GALNT2: variants seen among roughly 807,000 people sequenced by gnomAD.
GALNT2 encodes polypeptide N-acetylgalactosaminyltransferase 2, also known as UDP-GalNAc:polypeptide N-acetylgalactosaminyltransferase 2.
Under a neutral mutation model 81.4 loss-of-function variants are expected in GALNT2, and 31 were observed. That is an observed-to-expected ratio of 0.38 (90% confidence interval 0.29 to 0.51). GALNT2 has a LOEUF of 0.51. Among genes scored for constraint, GALNT2 ranks in the 20% least tolerant of loss-of-function variants. The probability of loss-of-function intolerance (pLI) is 0.87; values close to 1 mark genes in which losing one functional copy is unlikely to be tolerated. For synonymous variants in GALNT2, 303 were observed against 287.4 expected (o/e 1.05, Z -0.55); for missense variants, 629 against 765.7 (o/e 0.82, Z 2.11).
At chr1:230,214,115 CTTTTTT>C (rs60360198) in intron 3 of GALNT2, among the ~76,000 whole-genome samples, 16,419 of 145,240 alleles carry the variant, frequency 0.11, 1,822 homozygotes, top group East Asian at 0.57. Flanking sequence ...CTTAACTTTA[CTTTTTT>C]TTTTTTTTGA....
chr1:230,212,840 G>A (rs1014296088), intron 3 of GALNT2, among the ~76,000 whole-genome samples: 1 of 152,028 alleles, frequency 6.6e-6, no homozygotes, highest in Non-Finnish European at 1.5e-5. Context: ...CCCTTGATAT[G>A]TTTCCTCTTT....
At chr1:230,138,118 G>T (rs1661609448) in intron 1 of GALNT2, among the ~76,000 whole-genome samples, 1 of 152,140 alleles carries the variant, frequency 6.6e-6, no homozygotes, top group African/African-American at 2.4e-5. Context: ...CATTGCCCAA[G>T]TGTTACTGGA....
intron 1 of GALNT2, among the ~76,000 whole-genome samples, chr1:230,151,897 G>A (rs554163569): frequency 5.9e-5 from 9 of 152,230 alleles, no homozygotes; most frequent in African/African-American, 2.2e-4. Flanking sequence ...ACAAGGGGTG[G>A]ATTATTCATG....
chr1:230,265,611 G>T (rs1025488267), intron 14 of GALNT2, among the ~76,000 whole-genome samples: 1 of 152,176 alleles, frequency 6.6e-6, no homozygotes, highest in African/African-American at 2.4e-5. Flanking sequence ...CAGCGGCAAG[G>T]GTGCACTGGT....
At chr1:230,146,778 G>A (rs1259891484) in intron 1 of GALNT2, among the ~76,000 whole-genome samples, 1 of 152,196 alleles carries the variant, frequency 6.6e-6, no homozygotes, top group South Asian at 2.1e-4. Context: ...AAGTGAAATG[G>A]CATGCCAGGG....
At chr1:230,211,108 T>C (rs571433302) in intron 3 of GALNT2, among the ~76,000 whole-genome samples, 1 of 152,318 alleles carries the variant, frequency 6.6e-6, no homozygotes, top group East Asian at 1.9e-4. Context: ...AGCTTTGTCC[T>C]TATGTTGTAC....
chr1:230,128,844 C>T (rs552030881), intron 1 of GALNT2, among the ~76,000 whole-genome samples: 3 of 152,340 alleles, frequency 2.0e-5, no homozygotes, highest in South Asian at 2.1e-4. Flanking sequence ...CCCCGAGCCC[C>T]ATCCAGGGCA....
intron 2 of GALNT2, among the ~76,000 whole-genome samples, chr1:230,186,464 G>A (rs1335099792): frequency 1.3e-5 from 2 of 152,172 alleles, no homozygotes; most frequent in Non-Finnish European, 2.9e-5. Flanking sequence ...CACACAATGG[G>A]GAGCATCTGA....
intron 6 of GALNT2, among the ~76,000 whole-genome samples, chr1:230,240,203 G>A (rs1180889966): frequency 6.6e-6 from 1 of 152,144 alleles, no homozygotes; most frequent in Admixed American, 6.5e-5. Flanking sequence ...ACAATCTCAG[G>A]TTTTATCTGA....
intron 2 of GALNT2, among the ~76,000 whole-genome samples, chr1:230,180,027 C>G (rs1378946962): frequency 6.6e-6 from 1 of 152,172 alleles, no homozygotes; most frequent in Non-Finnish European, 1.5e-5. Context: ...TCAAGCGATT[C>G]TCCTGTTTAA....
chr1:230,240,018 A>G (rs907586208), intron 6 of GALNT2, among the ~76,000 whole-genome samples: 1 of 152,208 alleles, frequency 6.6e-6, no homozygotes, highest in African/African-American at 2.4e-5. Context: ...ACCCCACAAT[A>G]CACTGTTACA....
intron 1 of GALNT2, among the ~76,000 whole-genome samples, chr1:230,173,240 C>G (rs1662853451): frequency 6.6e-6 from 1 of 152,164 alleles, no homozygotes; most frequent in Non-Finnish European, 1.5e-5. Context: ...TTTCCAGAGG[C>G]TGCGTGTGGA....
intron 1 of GALNT2, among the ~76,000 whole-genome samples, chr1:230,111,937 T>C (rs1660716212): frequency 6.6e-6 from 1 of 150,958 alleles, no homozygotes; most frequent in South Asian, 2.1e-4. Context: ...TTTAAACATA[T>C]CCCCTTGTTA....
At chr1:230,059,240 G>T (rs1303927747) in intron 1 of GALNT2, among the ~76,000 whole-genome samples, 1 of 152,198 alleles carries the variant, frequency 6.6e-6, no homozygotes, top group African/African-American at 2.4e-5. Flanking sequence ...CAGCAGAAAC[G>T]CTGAAGCTGT....
intron 1 of GALNT2, among the ~76,000 whole-genome samples, chr1:230,088,315 G>T (rs1435933186): frequency 6.6e-6 from 1 of 152,050 alleles, no homozygotes; most frequent in East Asian, 1.9e-4. Flanking sequence ...ACACCTCTAG[G>T]TGCTTCATGT....
intron 1 of GALNT2, among the ~76,000 whole-genome samples, chr1:230,127,591 G>A (rs1428605580): frequency 6.6e-6 from 1 of 151,754 alleles, no homozygotes; most frequent in African/African-American, 2.4e-5. Flanking sequence ...AGCCAGGATG[G>A]TTTCGATCTC....
chr1:230,172,379 C>T (rs531478247), intron 1 of GALNT2, among the ~76,000 whole-genome samples: 2 of 152,320 alleles, frequency 1.3e-5, no homozygotes, highest in South Asian at 4.2e-4. Context: ...CAGAGAACAG[C>T]AGCCCTGGCC....
At chr1:230,134,963 G>T (rs1661489592) in intron 1 of GALNT2, among the ~76,000 whole-genome samples, 1 of 152,184 alleles carries the variant, frequency 6.6e-6, no homozygotes, top group African/African-American at 2.4e-5. Flanking sequence ...AAACCTATTT[G>T]GCCTGCCTGT....
chr1:230,158,192 A>T (rs1558115384), intron 1 of GALNT2, among the ~76,000 whole-genome samples: 1 of 151,964 alleles, frequency 6.6e-6, no homozygotes, highest in East Asian at 1.9e-4. Flanking sequence ...CCCGGGTAGC[A>T]GGGGGGCAGG....
Sources: allele counts gnomAD v4.1 joint callset (sites outside exome capture counted in the v4.1 genomes callset), GRCh38; gene constraint gnomAD v4.1.1; transcripts MANE v1.5; gene names NCBI Gene and HGNC (gene_info 2026-07-23, HGNC 2026-07-21).